COL25A1: variants seen among roughly 807,000 people sequenced by gnomAD.
COL25A1 encodes collagen alpha-1(XXV) chain.
A neutral mutation model predicts 128.4 loss-of-function variants in COL25A1; 103 were observed. That is an observed-to-expected ratio of 0.80 (90% CI 0.68 to 0.94). The LOEUF is 0.94. Ranked by LOEUF, COL25A1 falls within the 40% of genes least tolerant of loss-of-function variation. The pLI, the probability that COL25A1 is intolerant of heterozygous loss-of-function variation, is 0.00. For missense variants in COL25A1, 745 were observed against 840.0 expected (o/e 0.89, Z 1.40); for synonymous variants, 279 against 277.2 (o/e 1.01, Z -0.06).
intron 3 of COL25A1, among the ~76,000 whole-genome samples, chr4:109,233,807 G>C (rs1779304759): frequency 6.6e-6 from 1 of 152,092 alleles, no homozygotes; most frequent in Non-Finnish European, 1.5e-5. Context: ...AGAGGCCAAA[G>C]TACATAATGT....
At chr4:109,134,744 G>C (rs977209439) in intron 3 of COL25A1, among the ~76,000 whole-genome samples, 2 of 152,122 alleles carry the variant, frequency 1.3e-5, no homozygotes, top group African/African-American at 2.4e-5. Context: ...GGAAGGTGCA[G>C]AGAAGGAGCA....
intron 3 of COL25A1, among the ~76,000 whole-genome samples, chr4:109,201,302 G>C (rs754993416): frequency 6.6e-6 from 1 of 152,090 alleles, no homozygotes; most frequent in Non-Finnish European, 1.5e-5. Flanking sequence ...ACAACCAAGT[G>C]GGATTTATGC....
chr4:109,108,706 C>T (rs947522863), intron 3 of COL25A1, among the ~76,000 whole-genome samples: 2 of 152,098 alleles, frequency 1.3e-5, no homozygotes, highest in Admixed American at 6.6e-5. Context: ...TTTCTCCAAT[C>T]CTTCATTAAG....
intron 3 of COL25A1, among the ~76,000 whole-genome samples, chr4:109,247,736 T>C (rs1197230173): frequency 6.6e-6 from 1 of 152,172 alleles, no homozygotes; most frequent in Non-Finnish European, 1.5e-5. Context: ...AACCACCAGG[T>C]AGTTAAAAAC....
At chr4:108,879,075 G>C (rs1739792413) in intron 19 of COL25A1, among the ~76,000 whole-genome samples, 1 of 152,168 alleles carries the variant, frequency 6.6e-6, no homozygotes, top group Non-Finnish European at 1.5e-5. Context: ...TAGAAGATAA[G>C]CTTCTATTAG....
intron 8 of COL25A1, among the ~76,000 whole-genome samples, chr4:108,961,703 T>A (rs2125969526): frequency 6.6e-6 from 1 of 152,150 alleles, no homozygotes; most frequent in African/African-American, 2.4e-5. Context: ...ACTTCCTACC[T>A]CACCAGTGGA....
chr4:109,164,339 A>G (rs2126122626), intron 3 of COL25A1, among the ~76,000 whole-genome samples: 1 of 152,354 alleles, frequency 6.6e-6, no homozygotes, highest in African/African-American at 2.4e-5. Context: ...TGCAGAGAAG[A>G]GACATCTCCT....
intron 5 of COL25A1, among the ~76,000 whole-genome samples, chr4:109,013,215 G>A (rs200043213): frequency 1.3e-5 from 2 of 151,720 alleles, no homozygotes; most frequent in South Asian, 4.2e-4. Context: ...TCTAGCTCAA[G>A]GTTTGTAAAT....
intron 3 of COL25A1, among the ~76,000 whole-genome samples, chr4:109,122,487 G>A (rs984434592): frequency 6.6e-6 from 1 of 151,994 alleles, no homozygotes; most frequent in Non-Finnish European, 1.5e-5. Context: ...GGAGAAGAAG[G>A]GAAGTCTGTC....
intron 3 of COL25A1, among the ~76,000 whole-genome samples, chr4:109,139,624 A>G (rs1199153878): frequency 6.6e-6 from 1 of 152,054 alleles, no homozygotes; most frequent in Middle Eastern, 3.2e-3. Context: ...CAAAGATCAG[A>G]TGGTTGTAGA....
At chr4:109,112,812 T>C (rs957757295) in intron 3 of COL25A1, among the ~76,000 whole-genome samples, 1 of 152,186 alleles carries the variant, frequency 6.6e-6, no homozygotes, top group Admixed American at 6.6e-5. Flanking sequence ...TGCAGCATTC[T>C]TTCTGTTCTT....
chr4:108,861,051 T>C (rs746390190), intron 22 of COL25A1, 80 bp from the exon 23 acceptor site: 1 of 1,178,854 alleles, frequency 8.5e-7, no homozygotes, highest in Non-Finnish European at 1.3e-6. Context: ...GTTTATGCCA[T>C]ACAGAAGCAC....
intron 3 of COL25A1, among the ~76,000 whole-genome samples, chr4:109,177,348 T>C (rs935560820): frequency 3.3e-5 from 5 of 152,120 alleles, no homozygotes; most frequent in Non-Finnish European, 7.3e-5. Flanking sequence ...AACAACAGCA[T>C]AAAGAACCAC....
intron 3 of COL25A1, among the ~76,000 whole-genome samples, chr4:109,114,560 A>G (rs1244846121): frequency 6.6e-6 from 1 of 152,076 alleles, no homozygotes; most frequent in Non-Finnish European, 1.5e-5. Flanking sequence ...AGGGAGCTGC[A>G]TGTGAAAGTC....
At chr4:108,981,765 A>G (rs994456394) in intron 6 of COL25A1, among the ~76,000 whole-genome samples, 11 of 152,250 alleles carry the variant, frequency 7.2e-5, no homozygotes, top group African/African-American at 2.7e-4. Context: ...TGGCTAAAAT[A>G]AAATATTATA....
chr4:108,851,908 C>T (rs1464175843), intron 26 of COL25A1, among the ~76,000 whole-genome samples: 2 of 152,064 alleles, frequency 1.3e-5, no homozygotes, highest in African/African-American at 4.8e-5. Context: ...TTTAATCAAA[C>T]ATTTTCTTTT....
intron 16 of COL25A1, among the ~76,000 whole-genome samples, chr4:108,891,610 A>C (rs1359387335): frequency 1.3e-5 from 2 of 152,206 alleles, no homozygotes; most frequent in African/African-American, 4.8e-5. Context: ...CATGAAATAA[A>C]GGGGGCAGAT....
chr4:109,174,183 AG>A (rs1008223354), intron 3 of COL25A1, among the ~76,000 whole-genome samples: 3 of 152,200 alleles, frequency 2.0e-5, no homozygotes, highest in Non-Finnish European at 4.4e-5. Context: ...AAATGAATTC[AG>A]TTTTATACCT....
intron 31 of COL25A1, chr4:108,838,148 A>G (rs1734020921): frequency 1.9e-6 from 3 of 1,550,224 alleles, no homozygotes; most frequent in Admixed American, 2.0e-5. Context: ...TCACCCTTCA[A>G]TCCTTTAACA....
Sources: gnomAD v4.1 joint callset for allele counts (sites outside exome capture counted in the v4.1 genomes callset) on GRCh38, gnomAD v4.1.1 for gene constraint, MANE v1.5 for transcripts, NCBI Gene and HGNC (gene_info 2026-07-23, HGNC 2026-07-21) for gene names.